Variants in C12orf56 observed in about 807,000 individuals in gnomAD.
C12orf56 encodes the protein chromosome 12 open reading frame 56, also known as uncharacterized protein C12orf56.
Under a neutral mutation model 69.9 loss-of-function variants are expected in C12orf56, and 71 were observed. The observed-to-expected ratio is 1.02, with a 90% CI of 0.84 to 1.24. C12orf56 has a LOEUF of 1.24. Ranked by LOEUF, C12orf56 falls within the 50% of genes most tolerant of loss-of-function variation. C12orf56 has a pLI of 0.00. For synonymous variants in C12orf56, 276 were observed against 274.1 expected (o/e 1.01, Z -0.07); for missense variants, 732 against 738.5 (o/e 0.99, Z 0.10).
chr12:64,285,239 C>T (rs1391105752), intron 7 of C12orf56, among the ~76,000 whole-genome samples: 1 of 151,500 alleles, frequency 6.6e-6, no homozygotes, highest in Non-Finnish European at 1.5e-5. Context: ...GATGTCAGTA[C>T]TAAATCATTT....
chr12:64,354,651 G>T (rs1028961332), intron 1 of C12orf56, among the ~76,000 whole-genome samples: 14 of 151,580 alleles, frequency 9.2e-5, no homozygotes, highest in Admixed American at 2.6e-4. Context: ...TAGAGATGGG[G>T]TTTCACCATG....
At chr12:64,281,016 T>C (rs1227421484) in intron 8 of C12orf56, among the ~76,000 whole-genome samples, 1 of 152,198 alleles carries the variant, frequency 6.6e-6, no homozygotes, top group Non-Finnish European at 1.5e-5. Flanking sequence ...CTCATACTTG[T>C]AATCCCAGCA....
chr12:64,338,588 T>C, intron 2 of C12orf56: 1 of 1,573,484 alleles, frequency 6.4e-7, no homozygotes, highest in Non-Finnish European at 8.7e-7. Context: ...CATCTGAATT[T>C]TCTTCTGCTG....
chr12:64,282,081 C>A (rs1279840036), intron 8 of C12orf56, among the ~76,000 whole-genome samples: 1 of 152,082 alleles, frequency 6.6e-6, no homozygotes, highest in African/African-American at 2.4e-5. Context: ...TCAAGCTGGG[C>A]GCAGTGGTTC....
chr12:64,303,946 C>G (rs1220433813), intron 5 of C12orf56, among the ~76,000 whole-genome samples, 167 bp from the exon 6 acceptor site: 1 of 152,196 alleles, frequency 6.6e-6, no homozygotes. Context: ...TTGCTCCCCA[C>G]AAATTGAACT....
At chr12:64,295,174 T>A (rs2038348890) in intron 6 of C12orf56, among the ~76,000 whole-genome samples, 1 of 152,200 alleles carries the variant, frequency 6.6e-6, no homozygotes, top group Non-Finnish European at 1.5e-5. Context: ...TGAGCCACCG[T>A]GCCAGTGGAA....
In C12orf56 at chr12:64,390,586, C is replaced by T. The variant is rs537488566; in HGVS notation, c.-21G>A. ...GCCATGCCCGGCGCCCGCAGCGTGG[C>T]GGAGTGCTGGGACTCGAGGCCCTCA... On this transcript the variant is annotated 5_prime_UTR_variant, in exon 1 of 13. Coordinates refer to ENST00000543942, the MANE Select transcript of C12orf56 (RefSeq NM_001170633.2). 2.0e-6 allele frequency: 3 copies of T among 1,536,664 alleles called. No individual in the cohort carries two copies. Among genetic ancestry groups the T allele is most frequent in the Admixed American group, 1.9e-5 (1 of 51,868 alleles).
intron 9 of C12orf56, 30 bp downstream of exon 9, chr12:64,277,643 TATATATA>T (rs2038069241): frequency 5.6e-6 from 7 of 1,260,844 alleles, no homozygotes; most frequent in Non-Finnish European, 6.1e-6. Context: ...TATATATATA[TATATATA>T]ATAGTTTACC....
intron 3 of C12orf56, among the ~76,000 whole-genome samples, chr12:64,326,996 T>C (rs1283989411): frequency 6.6e-6 from 1 of 152,162 alleles, no homozygotes; most frequent in Non-Finnish European, 1.5e-5. Flanking sequence ...AATATGTTAA[T>C]GTGTTATCAT....
At chr12:64,303,359 C>T (rs1242591783) in intron 6 of C12orf56, among the ~76,000 whole-genome samples, 5 of 148,894 alleles carry the variant, frequency 3.4e-5, no homozygotes, top group Non-Finnish European at 7.4e-5. Flanking sequence ...AATGTTCCTC[C>T]TAACATCTCT....
Position 64,328,799 on chromosome 12 carries a change from C to T in C12orf56, c.488+2161G>A, listed in dbSNP as rs1462490513. On this transcript the variant is annotated intron_variant, in intron 3 of 12. Transcript: ENST00000543942. The stretch of plus-strand genomic sequence containing the variant: ...TTTTTTTTTTGTCCAGGTGCAGTGG[C>T]TCACGACTGTAATCCCAACACTGGG... Among the ~76,000 whole-genome samples, 6 of 147,040 alleles carry T rather than the reference C, an allele frequency of 4.1e-5. No homozygotes were observed. In the East Asian group the frequency reaches 1.2e-3, roughly 29 times the overall value.
At chr12:64,378,158 C>G (rs2039665881) in intron 1 of C12orf56, among the ~76,000 whole-genome samples, 1 of 152,214 alleles carries the variant, frequency 6.6e-6, no homozygotes, top group African/African-American at 2.4e-5. Flanking sequence ...GTACTGCTCA[C>G]AAATATTACT....
intron 2 of C12orf56, 30 bp from the exon 3 acceptor site, chr12:64,331,062 A>C: frequency 6.8e-7 from 1 of 1,464,904 alleles, no homozygotes; most frequent in Non-Finnish European, 9.3e-7. Context: ...TTTGGTCATT[A>C]ATTAAATAAT....
At chr12:64,389,213 G>A (rs953711668) in intron 1 of C12orf56, 3 of 152,208 alleles carry the variant, frequency 2.0e-5, no homozygotes, top group Non-Finnish European at 4.4e-5. Flanking sequence ...GGGGAAAACA[G>A]TAATTGGAGA....
At chr12:64,326,379 G>T (rs1489602084) in intron 3 of C12orf56, among the ~76,000 whole-genome samples, 1 of 152,172 alleles carries the variant, frequency 6.6e-6, no homozygotes, top group Non-Finnish European at 1.5e-5. Flanking sequence ...TGGCTTTCAT[G>T]CCTGCTAAAA....
chr12:64,268,820 G>C (rs1335846904), intron 12 of C12orf56, among the ~76,000 whole-genome samples: 1 of 152,108 alleles, frequency 6.6e-6, no homozygotes, highest in East Asian at 1.9e-4. Context: ...ATGGGAGTCA[G>C]AATGGAACAC....
intron 6 of C12orf56, among the ~76,000 whole-genome samples, chr12:64,297,523 T>C (rs1368195633): frequency 6.6e-6 from 1 of 152,154 alleles, no homozygotes; most frequent in Non-Finnish European, 1.5e-5. Context: ...TTTAATGCTA[T>C]CCCTCCCCTA....
chr12:64,308,947 G>GAAAGAAAAA lies in C12orf56; in HGVS notation c.968+3731_968+3732insTTTTTCTTT, dbSNP rs1565749009. Among the ~76,000 whole-genome samples, 53 of 67,676 alleles carry GAAAGAAAAA rather than the reference G, an allele frequency of 7.8e-4. 1 individual carries two copies. Among genetic ancestry groups the GAAAGAAAAA allele is most frequent in the African/African-American group, 2.9e-3 (51 of 17,624 alleles). 44.4% of individuals were successfully genotyped at this position (67,676 alleles called of 152,430 possible). A position where few individuals can be genotyped will look rare whatever the true frequency, so the allele number is the denominator to read the frequency against. On this transcript the variant is annotated intron_variant, in intron 5 of 12. Transcript: ENST00000543942. The stretch of plus-strand genomic sequence containing the variant: ...AAGAAAGAAAGAAAGAAAGAAGAAA[G>GAAAGAAAAA]AAAGAAAGAAAGAAAGAAAGAAAGA...
At chr12:64,337,385 T>C (rs1443108085) in intron 2 of C12orf56, among the ~76,000 whole-genome samples, 1 of 152,174 alleles carries the variant, frequency 6.6e-6, no homozygotes, top group Admixed American at 6.5e-5. Context: ...CAGTTGCAAC[T>C]CCCAGGTTTC....
Sources: allele counts gnomAD v4.1 joint callset (sites outside exome capture counted in the v4.1 genomes callset), GRCh38; gene constraint gnomAD v4.1.1; transcripts MANE v1.5; gene names NCBI Gene and HGNC (gene_info 2026-07-23, HGNC 2026-07-21).